Variants in PLD5 observed in about 807,000 individuals in gnomAD.
The protein encoded by PLD5 is inactive phospholipase D5.
In PLD5, 36 loss-of-function variants were observed where a neutral mutation model predicts 61.1. The ratio of observed to expected loss-of-function variants is 0.59; its 90% CI spans 0.45 to 0.78. The LOEUF is 0.78. Among genes scored for constraint, PLD5 ranks in the 30% least tolerant of loss-of-function variants. The pLI is 0.00. For synonymous variants in PLD5, 243 were observed against 242.8 expected, an observed-to-expected ratio of 1.00 and a Z score of -0.01; for missense variants, 515 against 644.4, an observed-to-expected ratio of 0.80 and a Z score of 2.17.
At chr1:242,119,122 A>G (rs768922244) in intron 6 of PLD5, among the ~76,000 whole-genome samples, 234 of 152,254 alleles carry the variant, frequency 1.5e-3, no homozygotes, top group Non-Finnish European at 1.3e-3. Context: ...GAGGGACCTG[A>G]CTTCTAGGTT....
intron 5 of PLD5, among the ~76,000 whole-genome samples, chr1:242,191,005 T>C (rs1668237837): frequency 6.6e-6 from 1 of 152,160 alleles, no homozygotes; most frequent in South Asian, 2.1e-4. Flanking sequence ...GGACAACACG[T>C]TGGTATAGAA....
At chr1:242,359,392 C>T (rs1482482151) in intron 1 of PLD5, among the ~76,000 whole-genome samples, 2 of 152,142 alleles carry the variant, frequency 1.3e-5, no homozygotes, top group African/African-American at 4.8e-5. Flanking sequence ...CAAAGCAAGA[C>T]TGTTTCTTTC....
chr1:242,338,044 G>A (rs915029330), intron 2 of PLD5, among the ~76,000 whole-genome samples: 5 of 152,094 alleles, frequency 3.3e-5, no homozygotes, highest in African/African-American at 1.2e-4. Context: ...TGTTCTAAAT[G>A]TCTAAATTCT....
At chr1:242,490,185 C>G (rs534411559) in intron 1 of PLD5, among the ~76,000 whole-genome samples, 1 of 152,282 alleles carries the variant, frequency 6.6e-6, no homozygotes, top group South Asian at 2.1e-4. Context: ...AACCATGGCT[C>G]CAGAAGCAGT....
intron 1 of PLD5, among the ~76,000 whole-genome samples, chr1:242,471,834 A>G (rs1178631573): frequency 6.6e-6 from 1 of 152,210 alleles, no homozygotes; most frequent in Non-Finnish European, 1.5e-5. Flanking sequence ...GAGCTGGAGA[A>G]GAACCAAGAT....
intron 7 of PLD5, among the ~76,000 whole-genome samples, chr1:242,110,845 T>C (rs1017307724): frequency 3.3e-5 from 5 of 152,042 alleles, no homozygotes; most frequent in African/African-American, 1.2e-4. Context: ...GTTGAATGAA[T>C]ACATAAATAA....
At chr1:242,134,308 T>C (rs1043840289) in intron 5 of PLD5, among the ~76,000 whole-genome samples, 1 of 152,166 alleles carries the variant, frequency 6.6e-6, no homozygotes, top group Non-Finnish European at 1.5e-5. Flanking sequence ...GCCTTATCTC[T>C]GAAGCTAAGC....
intron 5 of PLD5, among the ~76,000 whole-genome samples, chr1:242,172,412 A>C (rs1310468859): frequency 6.6e-6 from 1 of 152,240 alleles, no homozygotes; most frequent in Non-Finnish European, 1.5e-5. Context: ...CTAAATGCCC[A>C]TAAGAGAAAG....
chr1:242,293,663 A>G (rs928478203), intron 2 of PLD5, among the ~76,000 whole-genome samples: 5 of 152,218 alleles, frequency 3.3e-5, no homozygotes, highest in African/African-American at 1.2e-4. Context: ...TTTTTACTAA[A>G]TATCAATATA....
chr1:242,208,893 T>C (rs1355394775), intron 5 of PLD5, among the ~76,000 whole-genome samples: 1 of 152,222 alleles, frequency 6.6e-6, no homozygotes, highest in East Asian at 1.9e-4. Flanking sequence ...TTCCTGTTTG[T>C]TCTAATTATG....
At chr1:242,121,865 C>T (rs1006652372) in intron 6 of PLD5, among the ~76,000 whole-genome samples, 1 of 146,566 alleles carries the variant, frequency 6.8e-6, no homozygotes. Context: ...ACCGCATGTT[C>T]TTACTCATAG....
chr1:242,366,869 ATTTTT>A (rs1406567296), intron 1 of PLD5, among the ~76,000 whole-genome samples: 5 of 152,098 alleles, frequency 3.3e-5, no homozygotes, highest in Non-Finnish European at 5.9e-5. Flanking sequence ...TAAATCAATA[ATTTTT>A]GTGTTTTACA....
chr1:242,175,307 C>A lies in PLD5; in HGVS notation c.735+44681G>T, dbSNP rs556513044. On this transcript the variant is annotated intron_variant, in intron 5 of 9. Transcript: ENST00000536534. ...CATGGCTGGTTCAACATATGCAAAT[C>A]AATAAATGTAATCCATCACATAAAC... 2.6e-5 allele frequency among the ~76,000 whole-genome samples: 4 copies of A among 152,312 alleles called. No individual in the cohort carries two copies. In the East Asian group the frequency reaches 7.7e-4, roughly 29 times the overall value.
chr1:242,315,633 C>T (rs1220270146), intron 2 of PLD5, among the ~76,000 whole-genome samples: 4 of 152,138 alleles, frequency 2.6e-5, no homozygotes, highest in Non-Finnish European at 5.9e-5. Context: ...GCCTTGACAA[C>T]TTACTGGAGG....
rs188972095 is a variant in PLD5 at position 242,451,752 on chromosome 1, G to A, written c.189+72336C>T. Among the ~76,000 whole-genome samples, 178 of 151,994 alleles carry A rather than the reference G, an allele frequency of 1.2e-3. 1 individual carries two copies. The highest frequency in any genetic ancestry group is 3.4e-3 in the Middle Eastern group (1 of 294). On this transcript the variant is annotated intron_variant, in intron 1 of 9. Transcript: ENST00000536534. ...TAGGATTACAGGCTTGAGCCACCGC[G>A]CCCAGTCTAAAATTCTTGAATGGCA...
intron 3 of PLD5, among the ~76,000 whole-genome samples, chr1:242,274,051 T>C (rs1251304955): frequency 2.6e-5 from 4 of 152,204 alleles, no homozygotes; most frequent in Non-Finnish European, 4.4e-5. Flanking sequence ...AAAAAGTCCA[T>C]GGCAATTTGT....
chr1:242,320,105 T>C (rs1187725280), intron 2 of PLD5, among the ~76,000 whole-genome samples: 9 of 152,240 alleles, frequency 5.9e-5, no homozygotes, highest in Admixed American at 2.6e-4. Context: ...TTAAAATAAT[T>C]GTGACTTGCC....
At chr1:242,093,007 GC>G in intron 9 of PLD5, among the ~76,000 whole-genome samples, 1 of 152,010 alleles carries the variant, frequency 6.6e-6, no homozygotes, top group Admixed American at 6.6e-5. Context: ...CCCATCATCT[GC>G]CCCCTCAATA....
chr1:242,199,548 C>A (rs1047124387), intron 5 of PLD5, among the ~76,000 whole-genome samples: 4 of 152,144 alleles, frequency 2.6e-5, no homozygotes, highest in Non-Finnish European at 5.9e-5. Context: ...AGCCATGGTG[C>A]CCAGCCAGTA....
Sources: gnomAD v4.1 joint callset for allele counts (sites outside exome capture counted in the v4.1 genomes callset) on GRCh38, gnomAD v4.1.1 for gene constraint, MANE v1.5 for transcripts, NCBI Gene and HGNC (gene_info 2026-07-23, HGNC 2026-07-21) for gene names.